The following BTAF1 variants were observed in gnomAD, a reference collection of about 807,000 sequenced individuals.
BTAF1 encodes the protein TATA-binding protein-associated factor 172.
In BTAF1, 38 loss-of-function variants were observed where a neutral mutation model predicts 227.1. The ratio of observed to expected loss-of-function variants is 0.17; its 90% CI spans 0.13 to 0.22. BTAF1 has a LOEUF of 0.22. BTAF1 is among the 10% of genes least tolerant of loss of function. The probability of loss-of-function intolerance (pLI) is 1.00; values close to 1 mark genes in which losing one functional copy is unlikely to be tolerated. For missense variants in BTAF1, 1,598 were observed against 2,204.0 expected (o/e 0.73, Z 5.51); for synonymous variants, 742 against 751.9 (o/e 0.99, Z 0.21).
intron 4 of BTAF1, among the ~76,000 whole-genome samples, chr10:91,944,345 A>C (rs990596244): frequency 6.6e-6 from 1 of 152,136 alleles, no homozygotes; most frequent in Non-Finnish European, 1.5e-5. Flanking sequence ...TATATTAATG[A>C]CACCATATAT....
At chr10:91,981,423 C>A (rs1848051720) in intron 15 of BTAF1, among the ~76,000 whole-genome samples, 1 of 150,636 alleles carries the variant, frequency 6.6e-6, no homozygotes, top group Admixed American at 6.6e-5. Flanking sequence ...GAATTGTGTT[C>A]TTTTTTTAAA....
At chr10:91,982,844 G>GT in intron 18 of BTAF1, 83 bp downstream of exon 18, 1 of 1,361,084 alleles carries the variant, frequency 7.3e-7, no homozygotes, top group Non-Finnish European at 9.8e-7. Flanking sequence ...CAACAGAAAA[G>GT]TGAAAATTTT....
chr10:92,008,607 C>T (rs752851299), intron 26 of BTAF1, among the ~76,000 whole-genome samples: 1 of 151,852 alleles, frequency 6.6e-6, no homozygotes, highest in Non-Finnish European at 1.5e-5. Context: ...CCTTGGCCCC[C>T]CAAAGTGCTG....
At chr10:91,969,668 A>G (rs1251702471) in intron 14 of BTAF1, among the ~76,000 whole-genome samples, 1 of 152,190 alleles carries the variant, frequency 6.6e-6, no homozygotes, top group Non-Finnish European at 1.5e-5. Flanking sequence ...CAAGATTGTT[A>G]TAAATCCCCG....
Position 92,018,507 on chromosome 10 carries a change from C to T in BTAF1, c.4711-276C>T, listed in dbSNP as rs140330872. ...AGGGTTTTAAAGAAAACAACTAAGA[C>T]GCTCAATTTGCCATGGGAAGCTCAT... On this transcript the variant is annotated intron_variant, in intron 33 of 37. Transcript: ENST00000265990. Among the ~76,000 whole-genome samples the T allele has an allele frequency of 9.2e-5, 14 of 152,284 alleles. No individual in the cohort carries two copies. The East Asian group carries it at 1.5e-3, about 17-fold the overall frequency.
intron 34 of BTAF1, among the ~76,000 whole-genome samples, chr10:92,022,351 C>T (rs1443886813): frequency 1.3e-5 from 2 of 152,166 alleles, no homozygotes; most frequent in African/African-American, 4.8e-5. Flanking sequence ...GTGCATGACA[C>T]AGACATTCTG....
intron 8 of BTAF1, among the ~76,000 whole-genome samples, chr10:91,958,473 G>A (rs996241832): frequency 7.2e-5 from 11 of 151,984 alleles, no homozygotes; most frequent in African/African-American, 1.9e-4. Context: ...AGGCTGAGGC[G>A]GACAGATCGC....
At chr10:91,956,454 C>G in intron 6 of BTAF1, 74 bp from the exon 7 acceptor site, 1 of 1,425,116 alleles carries the variant, frequency 7.0e-7, no homozygotes, top group Non-Finnish European at 9.4e-7. Flanking sequence ...TTCACATTAT[C>G]TTTTATTCAT....
At position 91,984,505 on chromosome 10, in the gene BTAF1, G is replaced by A. The variant is rs577351641; in HGVS notation, c.2427+101G>A. The A allele has an allele frequency of 8.9e-6, 9 of 1,007,436 alleles. No homozygotes were observed. The African/African-American group carries it at 1.1e-4, about 13-fold the overall frequency. 62.4% of individuals were successfully genotyped at this position (1,007,436 alleles called of 1,614,324 possible). On this transcript the variant is annotated intron_variant, in intron 19 of 37. Transcript: ENST00000265990. ...TCACAAAAACACATTAGTTTGTTGA[G>A]TCTGTATGTGGCTTGGTAGCCTGTC...
chr10:91,997,037 G>A (rs1337736468), intron 24 of BTAF1: 2 of 1,096,476 alleles, frequency 1.8e-6, no homozygotes, highest in Non-Finnish European at 2.5e-6. Flanking sequence ...TTTGCTAAGG[G>A]TATGGCAGCA....
chr10:92,028,319 AAC>A (rs1317093341), intron 37 of BTAF1, among the ~76,000 whole-genome samples: 1 of 152,198 alleles, frequency 6.6e-6, no homozygotes, highest in Non-Finnish European at 1.5e-5. Context: ...AGAATTTGAA[AAC>A]AGACTGTATA....
intron 21 of BTAF1, 112 bp downstream of exon 21, chr10:91,992,421 G>C: frequency 9.4e-7 from 1 of 1,060,390 alleles, no homozygotes; most frequent in Non-Finnish European, 1.3e-6. Flanking sequence ...TAAAGAAATG[G>C]GATTAATTTT....
chr10:91,974,387 A>G (rs1847535288), intron 14 of BTAF1, among the ~76,000 whole-genome samples: 1 of 152,242 alleles, frequency 6.6e-6, no homozygotes, highest in African/African-American at 2.4e-5. Context: ...CTTAAATAAA[A>G]CTACAGTTAA....
chr10:92,013,257 C>G (rs1850493473), intron 30 of BTAF1, among the ~76,000 whole-genome samples: 1 of 152,132 alleles, frequency 6.6e-6, no homozygotes, highest in South Asian at 2.1e-4. Flanking sequence ...ACTGAGTGGG[C>G]TTGACTTATA....
In BTAF1 at chr10:92,031,408, T is replaced by A. The variant is rs899545157; in HGVS notation, c.*2475T>A. 1.4e-4 allele frequency among the ~76,000 whole-genome samples: 22 copies of A among 152,238 alleles called. No homozygotes were observed. The highest frequency in any genetic ancestry group is 1.3e-3 in the Admixed American group (20 of 15,282). On this transcript the variant is annotated 3_prime_UTR_variant, in exon 38 of 38. Transcript: ENST00000265990. Reference sequence around the variant, plus strand: ...TCTGGATGGTTTATATGAACTTACTTATTCAAAAGTAAATATTCCACTGAA... The same window carrying A: ...TCTGGATGGTTTATATGAACTTACTAATTCAAAAGTAAATATTCCACTGAA...
chr10:92,010,979 T>C (rs983766533), intron 28 of BTAF1, 94 bp from the exon 29 acceptor site: 4 of 874,432 alleles, frequency 4.6e-6, no homozygotes, highest in Non-Finnish European at 7.5e-6. Flanking sequence ...AATGCTGGGC[T>C]TAGTGGGCAG....
intron 19 of BTAF1, among the ~76,000 whole-genome samples, chr10:91,988,605 T>C (rs538110804): frequency 3.9e-5 from 6 of 152,184 alleles, no homozygotes; most frequent in Non-Finnish European, 7.4e-5. Context: ...CTGTTCTGTT[T>C]TGTTTTGTTT....
rs1224364189 is a variant in BTAF1, at chr10:92,027,138, G to T, written c.5244G>T (p.Val1748=). 1 of 1,611,650 alleles carries T rather than the reference G, an allele frequency of 6.2e-7. No homozygotes were observed. The highest frequency in any genetic ancestry group is 1.7e-5 in the Admixed American group (1 of 59,438). The change falls in exon 37 of 38, where the codon GTG becomes GTT. Residue 1748 remains valine (V), a synonymous_variant. Coordinates refer to ENST00000265990, the MANE Select transcript of BTAF1 (RefSeq NM_003972.3). ...DRAHRIGQKR[V]VNVYRLITRG... Reference sequence around the variant, plus strand: ...CTGTTTTTCTTATCCAGAAACGTGTGGTTAACGTATACCGATTGATAACCA... The same window carrying T: ...CTGTTTTTCTTATCCAGAAACGTGTTGTTAACGTATACCGATTGATAACCA...
At chr10:91,950,772 C>G (rs1192205785) in intron 4 of BTAF1, among the ~76,000 whole-genome samples, 6 of 150,328 alleles carry the variant, frequency 4.0e-5, no homozygotes, top group Non-Finnish European at 8.8e-5. Flanking sequence ...CCAGTGAGAG[C>G]TTTCGTAGGA....
Sources: gnomAD v4.1 joint callset for allele counts (sites outside exome capture counted in the v4.1 genomes callset) on GRCh38, gnomAD v4.1.1 for gene constraint, MANE v1.5 for transcripts, NCBI Gene and HGNC (gene_info 2026-07-23, HGNC 2026-07-21) for gene names.